Variants in STRN3 observed in about 807,000 individuals in gnomAD.
The protein encoded by STRN3 is striatin 3, also known as striatin-3.
Under a neutral mutation model 95.6 loss-of-function variants are expected in STRN3, and 29 were observed. The observed-to-expected ratio is 0.30, with a 90% CI of 0.23 to 0.41. STRN3 has a LOEUF of 0.41. Ranked by LOEUF, STRN3 falls within the 10% of genes least tolerant of loss-of-function variation. The pLI, the probability that STRN3 is intolerant of heterozygous loss-of-function variation, is 1.00. For synonymous variants in STRN3, 331 were observed against 357.6 expected (o/e 0.93, Z 0.84); for missense variants, 890 against 972.1 (o/e 0.92, Z 1.12).
chr14:30,967,553 T>C (rs1880592385), intron 1 of STRN3, among the ~76,000 whole-genome samples: 1 of 152,216 alleles, frequency 6.6e-6, no homozygotes, highest in South Asian at 2.1e-4. Flanking sequence ...TGACAACCCG[T>C]AGCCTTCCTA....
intron 12 of STRN3, 76 bp downstream of exon 12, chr14:30,911,701 A>C: frequency 1.5e-6 from 2 of 1,303,906 alleles, no homozygotes; most frequent in Non-Finnish European, 2.1e-6. Context: ...TGAGAAAATT[A>C]CAAGGTTTGA....
intron 8 of STRN3, among the ~76,000 whole-genome samples, chr14:30,920,301 A>C (rs927450088): frequency 6.6e-6 from 1 of 152,166 alleles, no homozygotes; most frequent in South Asian, 2.1e-4. Flanking sequence ...CGTAGTCTGA[A>C]TTTCCTAACT....
chr14:30,957,050 C>T (rs1054294559), intron 1 of STRN3, among the ~76,000 whole-genome samples: 12 of 152,068 alleles, frequency 7.9e-5, no homozygotes, highest in African/African-American at 2.7e-4. Flanking sequence ...CCCAGCTACC[C>T]GAAAGCCTGA....
intron 1 of STRN3, among the ~76,000 whole-genome samples, chr14:30,994,992 T>C (rs1163900364): frequency 1.3e-5 from 2 of 152,220 alleles, no homozygotes; most frequent in Non-Finnish European, 2.9e-5. Flanking sequence ...AAGTGACAGT[T>C]ATGAGTCAAA....
chr14:30,929,973 A>AAAAAAAAAAC (rs1878443131), intron 7 of STRN3, among the ~76,000 whole-genome samples: 1 of 149,816 alleles, frequency 6.7e-6, no homozygotes, highest in African/African-American at 2.4e-5. Context: ...AAAAAAAAAA[A>AAAAAAAAAAC]AAAAAACTCA....
At chr14:31,013,029 T>C (rs1883042243) in intron 1 of STRN3, among the ~76,000 whole-genome samples, 1 of 151,960 alleles carries the variant, frequency 6.6e-6, no homozygotes, top group Non-Finnish European at 1.5e-5. Context: ...GAGGCTGAGG[T>C]GGGCAGAATG....
At chr14:30,935,023 T>A (rs1310096747) in intron 7 of STRN3, 140 bp downstream of exon 7, 7 of 1,064,510 alleles carry the variant, frequency 6.6e-6, no homozygotes, top group Non-Finnish European at 9.1e-6. Context: ...AATACCTTGA[T>A]ATTATTCAAA....
chr14:30,897,540 G>GT (rs1566422932), intron 16 of STRN3, among the ~76,000 whole-genome samples: 1 of 152,170 alleles, frequency 6.6e-6, no homozygotes, highest in Non-Finnish European at 1.5e-5. Context: ...AGCTGAGATC[G>GT]TGCCACTGCA....
At chr14:30,992,351 A>G (rs1881997398) in intron 1 of STRN3, among the ~76,000 whole-genome samples, 1 of 151,616 alleles carries the variant, frequency 6.6e-6, no homozygotes, top group Non-Finnish European at 1.5e-5. Flanking sequence ...GTTGCAGTGA[A>G]CCAAGATTGT....
chr14:30,951,767 A>C (rs1488624263), intron 3 of STRN3, among the ~76,000 whole-genome samples: 1 of 152,202 alleles, frequency 6.6e-6, no homozygotes, highest in Non-Finnish European at 1.5e-5. Flanking sequence ...TTTTTACTAT[A>C]GGTAGAGTCA....
At position 31,026,254 on chromosome 14, in the gene STRN3, G is replaced by A. The variant is rs954788409; in HGVS notation, c.-69C>T. 6.0e-6 allele frequency: 8 copies of A among 1,333,794 alleles called. No individual in the cohort carries two copies. The highest frequency in any genetic ancestry group is 1.9e-5 in the South Asian group (1 of 52,478). 82.6% of individuals were successfully genotyped at this position (1,333,794 alleles called of 1,614,324 possible). The stretch of plus-strand genomic sequence containing the variant: ...GCTGGGGGAAGGGCCGGAGAGGGTG[G>A]CCCCGCGCTGGCTGCGGGGCGGAGG... On this transcript the variant is annotated 5_prime_UTR_variant, in exon 1 of 18. Transcript: ENST00000357479.
chr14:30,895,764 C>G lies in STRN3; in HGVS notation c.2138-16G>C, dbSNP rs761280198. On this transcript the variant is annotated splice_polypyrimidine_tract_variant and intron_variant, in intron 16 of 17. Transcript: ENST00000357479. Reference sequence around the variant, plus strand: ...ATCATTTTACCTAAACAAAACATAACAGAGAACTGATTAAGTTTTCACAAA... The same window carrying G: ...ATCATTTTACCTAAACAAAACATAAGAGAGAACTGATTAAGTTTTCACAAA... 21 of 1,597,154 alleles carry G rather than the reference C, an allele frequency of 1.3e-5. No individual in the cohort carries two copies. The highest frequency in any genetic ancestry group is 1.8e-5 in the Admixed American group (1 of 56,164).
intron 1 of STRN3, among the ~76,000 whole-genome samples, chr14:30,976,434 T>A (rs1881107952): frequency 6.6e-6 from 1 of 152,162 alleles, no homozygotes; most frequent in East Asian, 1.9e-4. Flanking sequence ...AGCTGGAAAC[T>A]ACAACACTCC....
At chr14:30,930,373 A>C (rs1878472467) in intron 7 of STRN3, among the ~76,000 whole-genome samples, 1 of 152,182 alleles carries the variant, frequency 6.6e-6, no homozygotes, top group Non-Finnish European at 1.5e-5. Flanking sequence ...CACTGACTTA[A>C]TCTATAAAGT....
rs538820527 is a variant in STRN3, at chr14:30,974,741, G to C, written c.283-18499C>G. On this transcript the variant is annotated intron_variant, in intron 1 of 17. Transcript: ENST00000357479. ...ATCACTTGAGCCTGGGGGGAGTAGA[G>C]GCTAAAGTGAGCTGACATTGCGCCA... 4.6e-5 allele frequency among the ~76,000 whole-genome samples: 7 copies of C among 152,248 alleles called. No individual in the cohort carries two copies. In the South Asian group the frequency reaches 1.5e-3, roughly 32 times the overall value.
intron 1 of STRN3, chr14:30,964,268 A>G (rs1299903248): frequency 6.6e-6 from 1 of 152,182 alleles, no homozygotes; most frequent in East Asian, 1.9e-4. Context: ...AAGAGAAGAT[A>G]GGGCATGGGA....
At chr14:30,918,923 G>A (rs772505847) in intron 9 of STRN3, 43 bp downstream of exon 9, 2 of 1,483,688 alleles carry the variant, frequency 1.3e-6, no homozygotes, top group Non-Finnish European at 9.0e-7. Flanking sequence ...TTGGATTTAA[G>A]GTCTTCTGAA....
intron 1 of STRN3, chr14:31,014,620 G>A (rs759658184): frequency 4.6e-6 from 2 of 436,288 alleles, no homozygotes; most frequent in Non-Finnish European, 4.6e-6. Context: ...TTTAATTCTA[G>A]TCTTTTAAAT....
chr14:30,989,466 A>G (rs1018722333), intron 1 of STRN3, among the ~76,000 whole-genome samples: 16 of 152,114 alleles, frequency 1.1e-4, no homozygotes, highest in African/African-American at 3.4e-4. Context: ...ATTTTTATTT[A>G]TTTATTTATT....
Sources: allele counts gnomAD v4.1 joint callset (sites outside exome capture counted in the v4.1 genomes callset), GRCh38; gene constraint gnomAD v4.1.1; transcripts MANE v1.5; gene names NCBI Gene and HGNC (gene_info 2026-07-23, HGNC 2026-07-21).